Variants in EDARADD observed in about 807,000 individuals in gnomAD.
EDARADD encodes the protein ectodysplasin-A receptor-associated adapter protein.
In EDARADD, 20 loss-of-function variants were observed where a neutral mutation model predicts 25.6. That is an observed-to-expected ratio of 0.78 (90% confidence interval 0.55 to 1.14). EDARADD has a LOEUF of 1.14. Ranked by LOEUF, EDARADD falls within the 50% of genes most tolerant of loss-of-function variation. The pLI is 0.00. For missense variants in EDARADD, 225 were observed against 270.1 expected (o/e 0.83, Z 1.17); for synonymous variants, 86 against 94.4 (o/e 0.91, Z 0.52).
At chr1:236,446,435 C>G (rs1658540110) in intron 4 of EDARADD, among the ~76,000 whole-genome samples, 1 of 152,026 alleles carries the variant, frequency 6.6e-6, no homozygotes, top group African/African-American at 2.4e-5. Flanking sequence ...ACCTGTAATC[C>G]TAGCTACTCA....
At chr1:236,440,302 C>A (rs1247090449) in intron 4 of EDARADD, among the ~76,000 whole-genome samples, 2 of 152,124 alleles carry the variant, frequency 1.3e-5, no homozygotes, top group Admixed American at 6.6e-5. Context: ...TGGGTAGTAT[C>A]AGTCTTTCAA....
intron 3 of EDARADD, among the ~76,000 whole-genome samples, chr1:236,378,806 C>G (rs1667256859): frequency 6.6e-6 from 1 of 152,062 alleles, no homozygotes; most frequent in Non-Finnish European, 1.5e-5. Flanking sequence ...ATTTATACTT[C>G]AGCTAAAATG....
At chr1:236,349,765 T>C (rs1379940395) in intron 2 of EDARADD, among the ~76,000 whole-genome samples, 1 of 151,894 alleles carries the variant, frequency 6.6e-6, no homozygotes, top group Admixed American at 6.6e-5. Context: ...TGGCTCTTAG[T>C]TGATTATCTC....
rs2103002151 is a variant in EDARADD, at chr1:236,398,811, C to T, written c.61+4306C>T. On this transcript the variant is annotated intron_variant, in intron 1 of 5. Coordinates refer to ENST00000334232, the MANE Select transcript of EDARADD (RefSeq NM_145861.4). This position sits in a 1 kb window ranked among gnomAD's most constrained non-coding sequence, Gnocchi z 4.1. ...AACCCTGTACCTTTCCTTTCTGGCACCTGTCACAATTTCTAGCTGTGATTA... is the reference window on the plus strand; with the variant it reads ...AACCCTGTACCTTTCCTTTCTGGCATCTGTCACAATTTCTAGCTGTGATTA... 6.6e-6 allele frequency among the ~76,000 whole-genome samples: 1 copy of T among 152,334 alleles called. No individual in the cohort carries two copies. Among genetic ancestry groups the T allele is most frequent in the Admixed American group, 6.5e-5 (1 of 15,312 alleles).
rs1667566643 is a variant in EDARADD at position 236,398,894 on chromosome 1, G to T, written c.61+4389G>T. Among the ~76,000 whole-genome samples, 1 of 152,194 alleles carries T rather than the reference G, an allele frequency of 6.6e-6. No homozygotes were observed. The highest frequency in any genetic ancestry group is 1.5e-5 in the Non-Finnish European group (1 of 68,046). ...AAACTCGTGGACAGAGGTCATGTCTGTGTGGTAGCTCTCCCTAACACTCAG... is the reference window on the plus strand; with the variant it reads ...AAACTCGTGGACAGAGGTCATGTCTTTGTGGTAGCTCTCCCTAACACTCAG... On this transcript the variant is annotated intron_variant, in intron 1 of 5. Coordinates refer to ENST00000334232, the MANE Select transcript of EDARADD (RefSeq NM_145861.4). This position sits in a 1 kb window ranked among gnomAD's most constrained non-coding sequence, Gnocchi z 4.1.
At chr1:236,424,944 C>T (rs1413384998) in intron 3 of EDARADD, among the ~76,000 whole-genome samples, 3 of 152,222 alleles carry the variant, frequency 2.0e-5, no homozygotes, top group African/African-American at 4.8e-5. Context: ...GGATTTCTAG[C>T]CACATAAAGT....
At chr1:236,382,466 C>A (rs1019133153) in intron 3 of EDARADD, among the ~76,000 whole-genome samples, 20 of 152,132 alleles carry the variant, frequency 1.3e-4, no homozygotes, top group African/African-American at 4.8e-4. Flanking sequence ...TTTCAATTGA[C>A]CAGTTTTTCT....
At chr1:236,417,017 G>A (rs1005420732) in intron 3 of EDARADD, among the ~76,000 whole-genome samples, 2 of 152,106 alleles carry the variant, frequency 1.3e-5, no homozygotes, top group Non-Finnish European at 2.9e-5. Context: ...GGGAAGCTGG[G>A]GTGGGAGGAT....
chr1:236,365,665 T>C (rs1485342659), intron 3 of EDARADD, among the ~76,000 whole-genome samples: 1 of 150,108 alleles, frequency 6.7e-6, no homozygotes, highest in African/African-American at 2.5e-5. Context: ...GTGCATAGTT[T>C]TAATCAAGTT....
chr1:236,458,092 A>G (rs1213779372), intron 4 of EDARADD, among the ~76,000 whole-genome samples: 4 of 152,184 alleles, frequency 2.6e-5, no homozygotes, highest in Non-Finnish European at 4.4e-5. Context: ...GCTCTCACAC[A>G]TAGTTGAGAG....
intron 3 of EDARADD, among the ~76,000 whole-genome samples, chr1:236,422,381 A>T (rs1657803983): frequency 6.6e-6 from 1 of 152,142 alleles, no homozygotes; most frequent in Non-Finnish European, 1.5e-5. Context: ...CTTTATTTAT[A>T]GTTTGGGTGT....
In EDARADD at chr1:236,416,210, C is replaced by T. The variant is rs1657637426; in HGVS notation, c.160+1911C>T. Among the ~76,000 whole-genome samples, 3 of 152,182 alleles carry T rather than the reference C, an allele frequency of 2.0e-5. No homozygotes were observed. The South Asian group carries it at 6.2e-4, about 32-fold the overall frequency. On this transcript the variant is annotated intron_variant, in intron 3 of 5. Coordinates refer to ENST00000334232, the MANE Select transcript of EDARADD (RefSeq NM_145861.4). The stretch of plus-strand genomic sequence containing the variant: ...GGAGGACAAGGTTACCGTCCACCTC[C>T]CAGGGTGCTGGTGAGAATTCAGTGA...
intron 5 of EDARADD, among the ~76,000 whole-genome samples, chr1:236,477,366 T>C (rs962739765): frequency 2.6e-5 from 4 of 151,312 alleles, no homozygotes; most frequent in Admixed American, 2.6e-4. Flanking sequence ...ATACAAAAAA[T>C]TACCTGGGCG....
At chr1:236,377,782 C>G (rs1443132098) in intron 3 of EDARADD, among the ~76,000 whole-genome samples, 3 of 151,690 alleles carry the variant, frequency 2.0e-5, no homozygotes, top group South Asian at 4.2e-4. Flanking sequence ...CGCTTGAACC[C>G]GGGAGGCAGA....
chr1:236,447,211 TCTTTCTTTCTTTC>T (rs796934058), intron 4 of EDARADD, among the ~76,000 whole-genome samples: 6,218 of 44,966 alleles, frequency 0.14, 153 homozygotes, highest in Non-Finnish European at 0.23. Context: ...TTTCTTTCTT[TCTTTCTTTCTTTC>T]CTTTCTTTCC....
chr1:236,410,854 G>T (rs1019306370), intron 2 of EDARADD, among the ~76,000 whole-genome samples: 1 of 152,158 alleles, frequency 6.6e-6, no homozygotes, highest in African/African-American at 2.4e-5. Flanking sequence ...GTAAATTGTA[G>T]ACAGCGTAGG....
chr1:236,370,897 A>T (rs1018355471), intron 3 of EDARADD, among the ~76,000 whole-genome samples: 1 of 152,256 alleles, frequency 6.6e-6, no homozygotes, highest in Non-Finnish European at 1.5e-5. Context: ...TTTAAACTGT[A>T]AACTATAAAC....
chr1:236,447,378 T>A (rs1444560597), intron 4 of EDARADD, among the ~76,000 whole-genome samples: 3 of 151,926 alleles, frequency 2.0e-5, no homozygotes, highest in Admixed American at 6.6e-5. Flanking sequence ...TGCCTCAGCA[T>A]CCCCAGTAGC....
In EDARADD at chr1:236,405,874, C is replaced by CTTCTTTCT. The variant is rs869205931; in HGVS notation, c.62-3297_62-3290dup. ...CCTTCCTTCCTTCCTTCCTTCCTTC[C>CTTCTTTCT]TTCTTTCTTTCTTTCTTTCTTTCTT... On this transcript the variant is annotated intron_variant, in intron 1 of 5. Coordinates refer to ENST00000334232, the MANE Select transcript of EDARADD (RefSeq NM_145861.4). 8.1e-3 allele frequency among the ~76,000 whole-genome samples: 250 copies of CTTCTTTCT among 30,876 alleles called. 12 individuals are homozygous for CTTCTTTCT. The highest frequency in any genetic ancestry group is 0.03 in the East Asian group (18 of 596). 20.3% of individuals were successfully genotyped at this position (30,876 alleles called of 152,430 possible). A position where few individuals can be genotyped will look rare whatever the true frequency, so the allele number is the denominator to read the frequency against.
Sources: allele counts gnomAD v4.1 joint callset (sites outside exome capture counted in the v4.1 genomes callset), GRCh38; gene constraint gnomAD v4.1.1; non-coding constraint Gnocchi (gnomAD v3.1); transcripts MANE v1.5; gene names NCBI Gene and HGNC (gene_info 2026-07-23, HGNC 2026-07-21).